Variants in NIM1K observed in about 807,000 individuals in gnomAD.
The protein encoded by NIM1K is NIM1 serine/threonine protein kinase.
Under a neutral mutation model 37.1 loss-of-function variants are expected in NIM1K, and 35 were observed. The observed-to-expected ratio is 0.94, with a 90% CI of 0.72 to 1.25. The LOEUF (loss-of-function observed/expected upper bound fraction) is 1.25. Among genes scored for constraint, NIM1K ranks in the 50% most tolerant of loss-of-function variants. The pLI is 0.00. For synonymous variants in NIM1K, 234 were observed against 206.6 expected (o/e 1.13, Z -1.14); for missense variants, 564 against 548.0 (o/e 1.03, Z -0.29).
intron 1 of NIM1K, among the ~76,000 whole-genome samples, chr5:43,220,241 G>A (rs774908253): frequency 2.1e-4 from 31 of 147,144 alleles, no homozygotes; most frequent in Non-Finnish European, 4.3e-4. Context: ...ATTAAATTTT[G>A]TTTATGGTCT....
chr5:43,211,465 C>G (rs1752203205), intron 1 of NIM1K, among the ~76,000 whole-genome samples: 1 of 152,190 alleles, frequency 6.6e-6, no homozygotes, highest in African/African-American at 2.4e-5. Flanking sequence ...AAGATCCACA[C>G]CCACCAAGGT....
At chr5:43,232,215 G>C in intron 1 of NIM1K, 2 of 1,006,814 alleles carry the variant, frequency 2.0e-6, no homozygotes, top group Admixed American at 3.5e-5. Context: ...ATGTCACCAC[G>C]GTAAAACAGG....
intron 1 of NIM1K, among the ~76,000 whole-genome samples, chr5:43,224,394 T>C (rs1451528503): frequency 2.0e-5 from 3 of 150,284 alleles, no homozygotes; most frequent in African/African-American, 7.3e-5. Flanking sequence ...TGAGCTGAGA[T>C]TGTGCCATTG....
rs924212284 is a variant in NIM1K at position 43,215,127 on chromosome 5, C to G, written c.-695+22716C>G. The stretch of plus-strand genomic sequence containing the variant: ...GACAGGTCCTCATTATCTGCTTTCA[C>G]TTACCTCCTTGGGGAAATGTTTTCA... On this transcript the variant is annotated intron_variant, in intron 1 of 3. Coordinates refer to ENST00000326035, the MANE Select transcript of NIM1K (RefSeq NM_153361.4). Among the ~76,000 whole-genome samples the G allele has an allele frequency of 3.9e-5, 6 of 152,198 alleles. 1 individual carries two copies. Among genetic ancestry groups the G allele is most frequent in the Admixed American group, 2.6e-4 (4 of 15,272 alleles).
intron 2 of NIM1K, among the ~76,000 whole-genome samples, chr5:43,263,773 C>T (rs1476708189): frequency 5.9e-5 from 9 of 152,092 alleles, no homozygotes; most frequent in Non-Finnish European, 1.3e-4. Flanking sequence ...TATAAATTTC[C>T]CTCTACACAC....
intron 2 of NIM1K, among the ~76,000 whole-genome samples, chr5:43,252,884 T>G (rs1197422352): frequency 2.0e-5 from 3 of 152,016 alleles, no homozygotes; most frequent in African/African-American, 7.2e-5. Flanking sequence ...GACTTCTTCC[T>G]TCTGCTACTC....
intron 1 of NIM1K, among the ~76,000 whole-genome samples, chr5:43,234,570 A>G (rs967771547): frequency 3.3e-5 from 5 of 152,002 alleles, no homozygotes. Context: ...GGGCAGATCA[A>G]CTGAGGTCAG....
At chr5:43,213,868 A>G (rs1386604372) in intron 1 of NIM1K, among the ~76,000 whole-genome samples, 1 of 151,990 alleles carries the variant, frequency 6.6e-6, no homozygotes, top group Non-Finnish European at 1.5e-5. Context: ...ATCTCAAGTG[A>G]TCTGCCTAAC....
chr5:43,246,145 A>C, intron 2 of NIM1K, 78 bp downstream of exon 2: 4 of 1,323,630 alleles, frequency 3.0e-6, no homozygotes, highest in Non-Finnish European at 4.2e-6. Flanking sequence ...GGCCAGGGCC[A>C]AGGAAGCAAG....
chr5:43,211,783 A>G (rs1383909349), intron 1 of NIM1K, among the ~76,000 whole-genome samples: 1 of 152,238 alleles, frequency 6.6e-6, no homozygotes, highest in Non-Finnish European at 1.5e-5. Flanking sequence ...TAAGCAGGAC[A>G]GTACTGTGGT....
At chr5:43,270,974 A>G (rs1397308465) in intron 2 of NIM1K, among the ~76,000 whole-genome samples, 1 of 152,122 alleles carries the variant, frequency 6.6e-6, no homozygotes, top group African/African-American at 2.4e-5. Context: ...TCATTGGATT[A>G]AGCTACTGTA....
chr5:43,197,195 C>T (rs1751930975), intron 1 of NIM1K, among the ~76,000 whole-genome samples: 2 of 152,136 alleles, frequency 1.3e-5, no homozygotes, highest in Non-Finnish European at 2.9e-5. Context: ...GTGGTACAAT[C>T]ATAGCTCACT....
intron 1 of NIM1K, among the ~76,000 whole-genome samples, chr5:43,203,221 C>G (rs969868331): frequency 2.0e-5 from 3 of 152,204 alleles, no homozygotes; most frequent in Admixed American, 2.0e-4. Flanking sequence ...ATTTATGCTA[C>G]TGCTATTAAC....
chr5:43,213,945 C>CTTTCTTT (rs1361719350), intron 1 of NIM1K, among the ~76,000 whole-genome samples: 4 of 150,714 alleles, frequency 2.7e-5, no homozygotes, highest in Non-Finnish European at 4.4e-5. Flanking sequence ...CTCTTTCTTT[C>CTTTCTTT]TTTCTTTTTT....
At chr5:43,232,106 A>G in intron 1 of NIM1K, 1 of 1,046,190 alleles carries the variant, frequency 9.6e-7, no homozygotes, top group Admixed American at 1.8e-5. Context: ...CTGGCAGTTA[A>G]TGCCAACCTT....
At chr5:43,216,938 C>T (rs988102564) in intron 1 of NIM1K, among the ~76,000 whole-genome samples, 3 of 152,182 alleles carry the variant, frequency 2.0e-5, no homozygotes, top group African/African-American at 7.2e-5. Flanking sequence ...TCTAGTGTGA[C>T]ATTTTAATTC....
At chr5:43,272,255 C>A (rs1753268838) in intron 2 of NIM1K, among the ~76,000 whole-genome samples, 1 of 152,094 alleles carries the variant, frequency 6.6e-6, no homozygotes, top group Non-Finnish European at 1.5e-5. Flanking sequence ...CTTTTAGAAC[C>A]TCTCCCTACT....
chr5:43,255,608 G>T (rs1277918760), intron 2 of NIM1K, among the ~76,000 whole-genome samples: 1 of 151,936 alleles, frequency 6.6e-6, no homozygotes, highest in Non-Finnish European at 1.5e-5. Flanking sequence ...AATTAGCTGG[G>T]CATGGTGGTG....
intron 1 of NIM1K, among the ~76,000 whole-genome samples, chr5:43,213,324 T>G (rs1752247460): frequency 6.7e-6 from 1 of 148,264 alleles, no homozygotes; most frequent in Non-Finnish European, 1.5e-5. Context: ...TCTTTTCTTT[T>G]CTTTTCTTTT....
Sources: allele counts gnomAD v4.1 joint callset (sites outside exome capture counted in the v4.1 genomes callset), GRCh38; gene constraint gnomAD v4.1.1; transcripts MANE v1.5; gene names NCBI Gene and HGNC (gene_info 2026-07-23, HGNC 2026-07-21).